Variants in INPP4B observed in about 807,000 individuals in gnomAD.
INPP4B encodes the protein inositol polyphosphate 4-phosphatase type II.
Under a neutral mutation model 122.5 loss-of-function variants are expected in INPP4B, and 55 were observed. That is an observed-to-expected ratio of 0.45 (90% CI 0.36 to 0.56). The LOEUF (loss-of-function observed/expected upper bound fraction) is 0.56. Ranked by LOEUF, INPP4B falls within the 20% of genes least tolerant of loss-of-function variation. INPP4B has a pLI of 0.00. For missense variants in INPP4B, 1,000 were observed against 1,097.7 expected, an observed-to-expected ratio of 0.91 and a Z score of 1.26; for synonymous variants, 403 against 388.7, an observed-to-expected ratio of 1.04 and a Z score of -0.43.
chr4:142,240,014 A>G (rs967790265), intron 11 of INPP4B, among the ~76,000 whole-genome samples: 1 of 151,774 alleles, frequency 6.6e-6, no homozygotes, highest in African/African-American at 2.4e-5. Context: ...ACAAAATATA[A>G]AAGTCTTCCT....
At chr4:142,776,785 C>T (rs1277169906) in intron 1 of INPP4B, among the ~76,000 whole-genome samples, 1 of 151,970 alleles carries the variant, frequency 6.6e-6, no homozygotes, top group African/African-American at 2.4e-5. Flanking sequence ...AATTTCAGAG[C>T]CTAGAGACCT....
At chr4:142,142,735 A>T (rs1808517166) in intron 18 of INPP4B, among the ~76,000 whole-genome samples, 1 of 152,118 alleles carries the variant, frequency 6.6e-6, no homozygotes, top group East Asian at 1.9e-4. Flanking sequence ...TCTTAACCAA[A>T]TAATAAAATA....
intron 2 of INPP4B, among the ~76,000 whole-genome samples, chr4:142,631,275 C>A (rs1747891946): frequency 6.6e-6 from 1 of 151,960 alleles, no homozygotes. Context: ...AATTCTAGAA[C>A]TAGTAAGTAT....
chr4:142,513,898 C>A (rs554975328), intron 2 of INPP4B, among the ~76,000 whole-genome samples: 1 of 152,170 alleles, frequency 6.6e-6, no homozygotes, highest in African/African-American at 2.4e-5. Flanking sequence ...ATTTTATATT[C>A]TATTTTGTAG....
At chr4:142,619,779 A>T (rs1744488423) in intron 2 of INPP4B, among the ~76,000 whole-genome samples, 1 of 151,964 alleles carries the variant, frequency 6.6e-6, no homozygotes, top group Admixed American at 6.6e-5. Flanking sequence ...TACCACAGGA[A>T]TACCCCCCAA....
At chr4:142,409,480 G>A (rs975400020) in intron 5 of INPP4B, among the ~76,000 whole-genome samples, 7 of 142,812 alleles carry the variant, frequency 4.9e-5, no homozygotes, top group African/African-American at 8.0e-5. Flanking sequence ...GCAACAGAGC[G>A]AGACTCCTTC....
chr4:142,048,132 T>A (rs1365514623), intron 25 of INPP4B, among the ~76,000 whole-genome samples: 2 of 152,198 alleles, frequency 1.3e-5, no homozygotes, highest in East Asian at 3.9e-4. Flanking sequence ...AACTCAGAGA[T>A]ATTAGGTACT....
chr4:142,359,560 T>G (rs968351943), intron 7 of INPP4B, among the ~76,000 whole-genome samples: 1 of 151,974 alleles, frequency 6.6e-6, no homozygotes, highest in Non-Finnish European at 1.5e-5. Flanking sequence ...TCCTTTATTT[T>G]CACTGATTGT....
intron 25 of INPP4B, among the ~76,000 whole-genome samples, chr4:142,035,384 G>T (rs1024573663): frequency 6.6e-6 from 1 of 152,154 alleles, no homozygotes; most frequent in Non-Finnish European, 1.5e-5. Flanking sequence ...GCTGTGAGCC[G>T]AGATATTTTG....
chr4:142,045,654 T>C (rs1718615588), intron 25 of INPP4B, among the ~76,000 whole-genome samples: 1 of 152,114 alleles, frequency 6.6e-6, no homozygotes. Flanking sequence ...CATCTAAGAA[T>C]AGGGAATACA....
intron 2 of INPP4B, among the ~76,000 whole-genome samples, chr4:142,484,823 T>C (rs1224568465): frequency 2.0e-5 from 3 of 152,074 alleles, no homozygotes; most frequent in African/African-American, 7.2e-5. Context: ...CCACGTTTTC[T>C]CATCATTTAT....
At chr4:142,672,671 T>C (rs1206548892) in intron 2 of INPP4B, among the ~76,000 whole-genome samples, 1 of 152,162 alleles carries the variant, frequency 6.6e-6, no homozygotes, top group African/African-American at 2.4e-5. Flanking sequence ...CACACATGTG[T>C]TTTGCAAATA....
intron 1 of INPP4B, among the ~76,000 whole-genome samples, chr4:142,766,168 A>G (rs1283410663): frequency 8.5e-5 from 13 of 152,146 alleles, no homozygotes; most frequent in Non-Finnish European, 1.5e-4. Context: ...ATATTGTACA[A>G]CAAACATTAT....
intron 7 of INPP4B, among the ~76,000 whole-genome samples, chr4:142,337,592 CA>C (rs1251394166): frequency 2.0e-5 from 3 of 148,816 alleles, no homozygotes; most frequent in African/African-American, 7.4e-5. Flanking sequence ...TTCTCTTTGG[CA>C]AAGTGCTGGT....
chr4:142,149,245 G>C, intron 17 of INPP4B, among the ~76,000 whole-genome samples: 1 of 152,190 alleles, frequency 6.6e-6, no homozygotes, highest in Non-Finnish European at 1.5e-5. Context: ...AGGAAGGCAG[G>C]TAGAGAAAGA....
chr4:142,313,948 T>TA (rs1268623363), intron 8 of INPP4B, among the ~76,000 whole-genome samples: 1 of 151,930 alleles, frequency 6.6e-6, no homozygotes, highest in Admixed American at 6.6e-5. Context: ...TAATGGTACC[T>TA]AGTACAGTGC....
chr4:142,278,994 G>A (rs1456744372), intron 9 of INPP4B, among the ~76,000 whole-genome samples: 1 of 151,778 alleles, frequency 6.6e-6, no homozygotes, highest in African/African-American at 2.4e-5. Flanking sequence ...CAGGACACAA[G>A]GTTAATGCAC....
chr4:142,619,091 G>C (rs1396587983), intron 2 of INPP4B, among the ~76,000 whole-genome samples: 2 of 151,852 alleles, frequency 1.3e-5, no homozygotes, highest in Admixed American at 6.6e-5. Flanking sequence ...GAAATAAGAA[G>C]TATTGGCATA....
intron 5 of INPP4B, among the ~76,000 whole-genome samples, chr4:142,409,173 T>G (rs1036093082): frequency 2.0e-5 from 3 of 152,000 alleles, no homozygotes; most frequent in Non-Finnish European, 4.4e-5. Flanking sequence ...GAGAAGGAAA[T>G]CCTCAGTGGA....
Sources: gnomAD v4.1 joint callset for allele counts (sites outside exome capture counted in the v4.1 genomes callset) on GRCh38, gnomAD v4.1.1 for gene constraint, MANE v1.5 for transcripts, NCBI Gene and HGNC (gene_info 2026-07-23, HGNC 2026-07-21) for gene names.